CEP85L: variants seen among roughly 807,000 people sequenced by gnomAD.
CEP85L encodes the protein centrosomal protein 85L.
CEP85L carries 60 observed loss-of-function variants against 100.3 expected under a neutral mutation model. The ratio of observed to expected loss-of-function variants is 0.60; its 90% CI spans 0.49 to 0.74. The LOEUF (loss-of-function observed/expected upper bound fraction) is 0.74, where lower values mean the gene tolerates loss of function less well. Ranked by LOEUF, CEP85L falls within the 30% of genes least tolerant of loss-of-function variation. The pLI is 0.00. For missense variants in CEP85L, 973 were observed against 936.2 expected (o/e 1.04, Z -0.51); for synonymous variants, 319 against 322.7 (o/e 0.99, Z 0.12).
chr6:118,539,094 A>G (rs1777762922), intron 3 of CEP85L, among the ~76,000 whole-genome samples: 1 of 152,196 alleles, frequency 6.6e-6, no homozygotes, highest in South Asian at 2.1e-4. Context: ...AAGCTATAGT[A>G]CAGGTGCTAA....
At chr6:118,659,459 T>A (rs530422582) in intron 1 of CEP85L, among the ~76,000 whole-genome samples, 1 of 152,366 alleles carries the variant, frequency 6.6e-6, no homozygotes, top group South Asian at 2.1e-4. Flanking sequence ...TTAGCAAAGT[T>A]GGGCAAGTTA....
intron 10 of CEP85L, among the ~76,000 whole-genome samples, chr6:118,473,990 G>A (rs918637961): frequency 3.9e-5 from 6 of 152,142 alleles, no homozygotes; most frequent in South Asian, 2.1e-4. Flanking sequence ...TGTACAGCTC[G>A]AATTCCTTTC....
chr6:118,525,274 T>C (rs1381921422), intron 3 of CEP85L, among the ~76,000 whole-genome samples: 1 of 152,194 alleles, frequency 6.6e-6, no homozygotes, highest in Non-Finnish European at 1.5e-5. Context: ...GAAACTAACA[T>C]GGCAGATATC....
chr6:118,484,700 A>G (rs956086613), intron 6 of CEP85L, among the ~76,000 whole-genome samples: 1 of 152,234 alleles, frequency 6.6e-6, no homozygotes, highest in Non-Finnish European at 1.5e-5. Context: ...TAGTTTTTGC[A>G]TAACTATACC....
At chr6:118,533,106 C>A (rs1431450443) in intron 3 of CEP85L, among the ~76,000 whole-genome samples, 1 of 151,826 alleles carries the variant, frequency 6.6e-6, no homozygotes, top group Non-Finnish European at 1.5e-5. Context: ...AAGCCCAAAG[C>A]AAGCAGATGG....
rs565655169 is a variant in CEP85L at position 118,463,035 on chromosome 6, AT to A, written c.*2369del. The A allele has an allele frequency of 4.6e-5, 7 of 151,994 alleles. No individual in the cohort carries two copies. In the South Asian group the frequency reaches 1.5e-3, roughly 32 times the overall value. The allele number at this position is 151,994 out of a possible 1,614,324, so 9.4% of individuals were successfully genotyped here. A position where few individuals can be genotyped will look rare whatever the true frequency, so the allele number is the denominator to read the frequency against. ...CCTTTTTTATGGGGGGAGGGTACAG[AT>A]TTTGGAAACTGAAATGCATCAGCAG... On this transcript the variant is annotated 3_prime_UTR_variant, in exon 13 of 13. Coordinates refer to ENST00000368491, the MANE Select transcript of CEP85L (RefSeq NM_001042475.3).
At chr6:118,605,255 T>C (rs973798717) in intron 2 of CEP85L, among the ~76,000 whole-genome samples, 9 of 152,216 alleles carry the variant, frequency 5.9e-5, no homozygotes, top group African/African-American at 1.9e-4. Flanking sequence ...GCTTCTACTC[T>C]GCATTTCACT....
intron 11 of CEP85L, among the ~76,000 whole-genome samples, chr6:118,470,104 A>G (rs1417773406): frequency 2.6e-5 from 4 of 152,142 alleles, no homozygotes; most frequent in Admixed American, 2.6e-4. Context: ...ACAAAGAAAT[A>G]ACAAGTATAA....
At chr6:118,694,902 C>T (rs1329640033) in intron 1 of CEP85L, among the ~76,000 whole-genome samples, 4 of 152,086 alleles carry the variant, frequency 2.6e-5, no homozygotes, top group African/African-American at 9.7e-5. Context: ...GTATTCTTTC[C>T]CTGGTAGAGT....
At chr6:118,613,916 C>T (rs1772836886) in intron 2 of CEP85L, among the ~76,000 whole-genome samples, 1 of 152,024 alleles carries the variant, frequency 6.6e-6, no homozygotes, top group African/African-American at 2.4e-5. Flanking sequence ...ACCCTGATAT[C>T]CAGAGAGTAC....
chr6:118,546,640 G>A (rs1778219897), intron 3 of CEP85L, among the ~76,000 whole-genome samples: 1 of 152,026 alleles, frequency 6.6e-6, no homozygotes, highest in South Asian at 2.1e-4. Flanking sequence ...AACAGATTAG[G>A]AATTATAAAC....
At chr6:118,670,790 A>T (rs17427284) in intron 1 of CEP85L, among the ~76,000 whole-genome samples, 20,500 of 152,160 alleles carry the variant, frequency 0.13, 1,769 homozygotes, top group Non-Finnish European at 0.19. Context: ...ATCCAACAAT[A>T]TGCCTACTGA....
intron 4 of CEP85L, among the ~76,000 whole-genome samples, chr6:118,519,473 T>G (rs867981898): frequency 9.3e-4 from 17 of 18,208 alleles, no homozygotes; most frequent in African/African-American, 2.6e-3. Flanking sequence ...TGTGTGTGTG[T>G]GGCGGGGGGG....
At chr6:118,571,665 C>G (rs561072661) in intron 2 of CEP85L, among the ~76,000 whole-genome samples, 1 of 151,508 alleles carries the variant, frequency 6.6e-6, no homozygotes, top group South Asian at 2.1e-4. Context: ...CACTCCCACC[C>G]TCCAGATCTA....
At chr6:118,509,916 AC>A (rs1284209544) in intron 5 of CEP85L, among the ~76,000 whole-genome samples, 1 of 152,104 alleles carries the variant, frequency 6.6e-6, no homozygotes, top group Non-Finnish European at 1.5e-5. Context: ...AATTTTGTTA[AC>A]GGGCCTCATA....
intron 6 of CEP85L, among the ~76,000 whole-genome samples, chr6:118,487,993 G>C (rs1417487884): frequency 6.6e-6 from 1 of 151,576 alleles, no homozygotes; most frequent in Non-Finnish European, 1.5e-5. Flanking sequence ...GAAGCCTGAA[G>C]GATGCTAAGA....
intron 12 of CEP85L, among the ~76,000 whole-genome samples, chr6:118,468,364 T>A (rs1772689794): frequency 6.6e-6 from 1 of 152,220 alleles, no homozygotes; most frequent in Admixed American, 6.5e-5. Context: ...TATATGGTCT[T>A]ACTGCATTCC....
chr6:118,548,258 A>G (rs1562249593), intron 3 of CEP85L: 1 of 152,054 alleles, frequency 6.6e-6, no homozygotes, highest in Non-Finnish European at 1.5e-5. Context: ...AGACCTCCCT[A>G]GAACACTTTT....
At chr6:118,585,826 G>A (rs948376486) in intron 2 of CEP85L, among the ~76,000 whole-genome samples, 3 of 152,038 alleles carry the variant, frequency 2.0e-5, no homozygotes, top group Non-Finnish European at 4.4e-5. Context: ...CAAACCCAAA[G>A]AACAAAAAGA....
Sources: allele counts gnomAD v4.1 joint callset (sites outside exome capture counted in the v4.1 genomes callset), GRCh38; gene constraint gnomAD v4.1.1; transcripts MANE v1.5; gene names NCBI Gene and HGNC (gene_info 2026-07-23, HGNC 2026-07-21).